Variants in USP48 observed in about 807,000 individuals in gnomAD.
USP48 encodes ubiquitin specific peptidase 48, also known as ubiquitin carboxyl-terminal hydrolase 48.
In USP48, 43 loss-of-function variants were observed where a neutral mutation model predicts 150.7. The ratio of observed to expected loss-of-function variants is 0.29; its 90% confidence interval spans 0.22 to 0.37. The LOEUF is 0.37. USP48 is among the 10% of genes least tolerant of loss of function. The pLI, the probability that USP48 is intolerant of heterozygous loss-of-function variation, is 1.00. For synonymous variants in USP48, 396 were observed against 425.9 expected, an observed-to-expected ratio of 0.93 and a Z score of 0.86; for missense variants, 813 against 1,249.6, an observed-to-expected ratio of 0.65 and a Z score of 5.27.
In USP48 at chr1:21,706,484, G is replaced by T; in HGVS notation, c.2194C>A (p.Leu732Ile). The T allele has an allele frequency of 6.2e-7, 1 of 1,614,144 alleles. No individual in the cohort carries two copies. Among genetic ancestry groups the T allele is most frequent in the Non-Finnish European group, 8.5e-7 (1 of 1,180,014 alleles). The part of the protein sequence containing the change: ...NLFQDKNRPC[L>I]SNWPEDTDVL... Reference sequence around the variant, plus strand: ...CATTATACCTCTGGCCAGTTACTGAGACACGGTCTGTTTTTATCCTGGAAC... The same window carrying T: ...CATTATACCTCTGGCCAGTTACTGATACACGGTCTGTTTTTATCCTGGAAC... Residue 732 changes from leucine (L) to isoleucine (I), a missense_variant, in exon 17 of 27, where the codon CTC becomes ATC. Coordinates refer to ENST00000308271, the MANE Select transcript of USP48 (RefSeq NM_032236.8).
chr1:21,701,064 CAA>C lies in USP48; in HGVS notation c.2727+432_2727+433del, dbSNP rs11311453. Reference sequence around the variant, plus strand: ...TGGTTGACAAGGCTAGGATCCATCTCAAAAAAAAAAAAAAAAAAAAGGCCGGG... The same window carrying C: ...TGGTTGACAAGGCTAGGATCCATCTCAAAAAAAAAAAAAAAAAAGGCCGGG... On this transcript the variant is annotated intron_variant, in intron 22 of 26. Coordinates refer to ENST00000308271, the MANE Select transcript of USP48 (RefSeq NM_032236.8). Among the ~76,000 whole-genome samples the C allele has an allele frequency of 5.1e-3, 310 of 60,460 alleles. 2 individuals are homozygous for C. Among genetic ancestry groups the C allele is most frequent in the East Asian group, 0.013 (28 of 2,220 alleles). The allele number at this position is 60,460 out of a possible 152,430, so 39.7% of individuals were successfully genotyped here.
chr1:21,725,577 C>T (rs12130039), intron 11 of USP48, among the ~76,000 whole-genome samples: 6 of 151,728 alleles, frequency 4.0e-5, no homozygotes, highest in South Asian at 4.2e-4. Context: ...CAGGGAGAAA[C>T]CCCGTCTGTA....
At chr1:21,717,667 T>TTCC (rs2097708514) in intron 14 of USP48, among the ~76,000 whole-genome samples, 2 of 152,078 alleles carry the variant, frequency 1.3e-5, no homozygotes, top group African/African-American at 2.4e-5. Flanking sequence ...TGATAAAAAC[T>TTCC]GATGTGACTG....
intron 23 of USP48, among the ~76,000 whole-genome samples, chr1:21,694,608 C>CAAAAAAAAAAAAAACAAAAAAA (rs1491189889): frequency 3.5e-5 from 1 of 28,982 alleles, no homozygotes; most frequent in African/African-American, 1.1e-4. Flanking sequence ...AAAAAAAAAA[C>CAAAAAAAAAAAAAACAAAAAAA]CCCCTCTATC....
chr1:21,752,596 T>A lies in USP48; in HGVS notation c.596A>T (p.Lys199Ile), dbSNP rs995868192. 1.2e-6 allele frequency: 2 copies of A among 1,613,450 alleles called. No homozygotes were observed. Among genetic ancestry groups the A allele is most frequent in the African/African-American group, 2.7e-5 (2 of 74,892 alleles). ...FMSLLEDTLS[K>I]QKNPDVRNIV... ...ATTGCGCACATCTGGATTCTTTTGT[T>A]TAGACAAAGTATCTTCCAATAGAGA... The change falls in exon 5 of 27, where the codon AAA becomes ATA. Residue 199 changes from lysine (K) to isoleucine (I), a missense_variant. Physicochemically the swap from Lys to Ile is moderately radical, Grantham distance 102. Coordinates refer to ENST00000308271, the MANE Select transcript of USP48 (RefSeq NM_032236.8).
intron 7 of USP48, among the ~76,000 whole-genome samples, chr1:21,747,781 C>T (rs2097798473): frequency 6.6e-6 from 1 of 152,014 alleles, no homozygotes; most frequent in Admixed American, 6.6e-5. Flanking sequence ...CCATGTTGGC[C>T]CGGCTGATCT....
chr1:21,704,373 T>G lies in USP48; in HGVS notation c.2404A>C (p.Ser802Arg), dbSNP rs2097666052. The part of the protein sequence containing the change: ...DSKLIALIWP[S>R]EWQMIQKLFV... ...AGCTTTTGTATCATTTGCCACTCAC[T>G]GGGCCATATGAGAGCTATACTGTGC... is the stretch of plus-strand genomic sequence containing the variant. The change falls in exon 20 of 27, where the codon AGT (serine) becomes CGT (arginine). Residue 802 changes from serine (S) to arginine (R), a missense_variant. Physicochemically the swap from Ser to Arg is moderately radical, Grantham distance 110. Coordinates refer to ENST00000308271, the MANE Select transcript of USP48 (RefSeq NM_032236.8). 6.2e-7 allele frequency: 1 copy of G among 1,612,968 alleles called. No individual in the cohort carries two copies. The highest frequency in any genetic ancestry group is 8.5e-7 in the Non-Finnish European group (1 of 1,179,698).
intron 1 of USP48, among the ~76,000 whole-genome samples, chr1:21,777,144 C>T (rs10799714): frequency 0.58 from 87,766 of 150,748 alleles, 26,875 homozygotes; most frequent in Admixed American, 0.71. Flanking sequence ...AAAAATTAGC[C>T]GAGTGTGGTG....
At chr1:21,720,026 G>A (rs986294176) in intron 14 of USP48, among the ~76,000 whole-genome samples, 1 of 152,222 alleles carries the variant, frequency 6.6e-6, no homozygotes, top group African/African-American at 2.4e-5. Context: ...GACATCTTAT[G>A]AACCACTGAT....
At position 21,706,781 on chromosome 1, in the gene USP48, T is replaced by C. The variant is rs1356610856; in HGVS notation, c.2051A>G (p.Glu684Gly). ...KLQQYFPKAPEFPSYKECCSQ... is the reference protein window; with the variant it reads ...KLQQYFPKAPGFPSYKECCSQ... Reference sequence around the variant, plus strand: ...ACAGCACTCTTTGTAACTTGGAAACTCAGGAGCCTTTGGAAAGTACTGCTG... The same window carrying C: ...ACAGCACTCTTTGTAACTTGGAAACCCAGGAGCCTTTGGAAAGTACTGCTG... The change falls in exon 16 of 27, where the codon GAG becomes GGG. Residue 684 changes from glutamate to glycine, a missense_variant. Coordinates refer to ENST00000308271, the MANE Select transcript of USP48 (RefSeq NM_032236.8). 1 of 1,613,236 alleles carries C rather than the reference T, an allele frequency of 6.2e-7. No homozygotes were observed. The highest frequency in any genetic ancestry group is 1.7e-5 in the Admixed American group (1 of 59,760).
At chr1:21,725,570 G>A (rs2097734334) in intron 11 of USP48, among the ~76,000 whole-genome samples, 1 of 151,992 alleles carries the variant, frequency 6.6e-6, no homozygotes, top group East Asian at 1.9e-4. Flanking sequence ...TGACCAACAG[G>A]GAGAAACCCC....
At chr1:21,755,511 G>A (rs2152599049) in intron 3 of USP48, among the ~76,000 whole-genome samples, 1 of 152,274 alleles carries the variant, frequency 6.6e-6, no homozygotes. Context: ...ACAGTGAGCT[G>A]TGCTCGCACC....
chr1:21,744,494 G>C, intron 8 of USP48, among the ~76,000 whole-genome samples: 1 of 150,098 alleles, frequency 6.7e-6, no homozygotes, highest in South Asian at 2.1e-4. Flanking sequence ...ATAGTTTTTA[G>C]GCCAGGTGCG....
At chr1:21,773,773 C>CT (rs1044693496) in intron 1 of USP48, among the ~76,000 whole-genome samples, 12 of 152,214 alleles carry the variant, frequency 7.9e-5, no homozygotes, top group African/African-American at 2.6e-4. Flanking sequence ...AGAGGGCTGG[C>CT]TAGGGCAGCA....
chr1:21,724,190 T>G (rs2097729941), intron 11 of USP48, 95 bp from the exon 12 acceptor site: 4 of 1,213,940 alleles, frequency 3.3e-6, no homozygotes, highest in Non-Finnish European at 4.8e-6. Flanking sequence ...GCAAACTCTG[T>G]CCAGAGTTAG....
Position 21,734,126 on chromosome 1 carries a change from C to T in USP48, c.1171+2320G>A, listed in dbSNP as rs892415405. On this transcript the variant is annotated intron_variant, in intron 9 of 26. Transcript: ENST00000308271. ...TTAAAAGTAGAAAACAGGTTGGGCACGGAAGCTCATGTCTGTAATGCCAAC... is the reference window on the plus strand; with the variant it reads ...TTAAAAGTAGAAAACAGGTTGGGCATGGAAGCTCATGTCTGTAATGCCAAC... Among the ~76,000 whole-genome samples, 5 of 152,138 alleles carry T rather than the reference C, an allele frequency of 3.3e-5. 1 individual carries two copies. Among genetic ancestry groups the T allele is most frequent in the African/African-American group, 1.2e-4 (5 of 41,416 alleles).
Position 21,715,457 on chromosome 1 carries a change from T to C in USP48, c.1895A>G (p.Asp632Gly), listed in dbSNP as rs1215310534. ...TTCTTTTCTTTCTTCCTTTGATTCATCTAATCAAAAGAAATACAAATGATA... is the reference window on the plus strand; with the variant it reads ...TTCTTTTCTTTCTTCCTTTGATTCACCTAATCAAAAGAAATACAAATGATA... ...GKMNGSTLNK[D>G]ESKEERKEEE... The change falls in exon 15 of 27, where the codon GAT becomes GGT. Residue 632 changes from aspartate (D) to glycine (G), a missense_variant and splice_region_variant. Coordinates refer to ENST00000308271, the MANE Select transcript of USP48 (RefSeq NM_032236.8). 5 of 1,555,484 alleles carry C rather than the reference T, an allele frequency of 3.2e-6. No homozygotes were observed. The highest frequency in any genetic ancestry group is 4.4e-6 in the Non-Finnish European group (5 of 1,129,342).
intron 1 of USP48, among the ~76,000 whole-genome samples, chr1:21,760,851 T>C (rs947148218): frequency 2.0e-5 from 3 of 151,990 alleles, no homozygotes; most frequent in Admixed American, 6.6e-5. Context: ...TCCCAGCACT[T>C]TGGGAGGCTG....
At chr1:21,738,419 G>A (rs191780126) in intron 8 of USP48, among the ~76,000 whole-genome samples, 76 of 139,724 alleles carry the variant, frequency 5.4e-4, no homozygotes, top group Non-Finnish European at 1.1e-3. Flanking sequence ...GCAATGGTGT[G>A]ATCTCGGCCC....
Sources: gnomAD v4.1 joint callset for allele counts (sites outside exome capture counted in the v4.1 genomes callset) on GRCh38, gnomAD v4.1.1 for gene constraint, MANE v1.5 for transcripts, NCBI Gene and HGNC (gene_info 2026-07-23, HGNC 2026-07-21) for gene names.